ZNF503: variants seen among roughly 807,000 people sequenced by gnomAD.
ZNF503 encodes the protein NocA-like zinc finger 2.
Under a neutral mutation model 34.4 loss-of-function variants are expected in ZNF503, and 15 were observed. The observed-to-expected ratio is 0.44, with a 90% confidence interval of 0.29 to 0.67. The LOEUF (loss-of-function observed/expected upper bound fraction) is 0.67. Ranked by LOEUF, ZNF503 falls within the 30% of genes least tolerant of loss-of-function variation. ZNF503 has a pLI of 0.13. For synonymous variants in ZNF503, 580 were observed against 456.8 expected, an observed-to-expected ratio of 1.27 and a Z score of -3.44; for missense variants, 1,007 against 926.8, an observed-to-expected ratio of 1.09 and a Z score of -1.12.
the ZNF503 span, among the ~76,000 whole-genome samples, chr10:75,343,857 T>C: frequency 6.6e-6 from 1 of 152,174 alleles, no homozygotes; most frequent in Non-Finnish European, 1.5e-5. Context: ...CCCACCCCTG[T>C]TACATGATGC....
At chr10:75,382,277 A>T in the ZNF503 span, 1 of 239,590 alleles carries the variant, frequency 4.2e-6, no homozygotes, top group Non-Finnish European at 8.4e-6. Flanking sequence ...CAACAGCAAC[A>T]AATGTTATTT....
chr10:75,355,728 A>T, the ZNF503 span, among the ~76,000 whole-genome samples: 1 of 152,234 alleles, frequency 6.6e-6, no homozygotes, highest in Non-Finnish European at 1.5e-5. Flanking sequence ...GTTAGAAATT[A>T]CCCCAAATTT....
chr10:75,287,353 T>C, the ZNF503 span, among the ~76,000 whole-genome samples: 1 of 152,074 alleles, frequency 6.6e-6, no homozygotes, highest in East Asian at 1.9e-4. Context: ...GCACACTATG[T>C]TCTCTCCCAT....
chr10:75,353,757 T>C, the ZNF503 span, among the ~76,000 whole-genome samples: 1 of 152,178 alleles, frequency 6.6e-6, no homozygotes, highest in South Asian at 2.1e-4. Context: ...CATGAGCAAA[T>C]GGGAGATCAC....
At chr10:75,378,829 G>A in the ZNF503 span, among the ~76,000 whole-genome samples, 1 of 151,976 alleles carries the variant, frequency 6.6e-6, no homozygotes, top group East Asian at 1.9e-4. Flanking sequence ...AAGAGGGAAG[G>A]CCCCACAAGC....
chr10:75,362,191 C>T, the ZNF503 span, among the ~76,000 whole-genome samples: 72 of 152,140 alleles, frequency 4.7e-4, no homozygotes, highest in Non-Finnish European at 9.0e-4. Flanking sequence ...CACCTTAATG[C>T]GGCCATATTT....
At chr10:75,291,753 G>A in the ZNF503 span, among the ~76,000 whole-genome samples, 1 of 152,190 alleles carries the variant, frequency 6.6e-6, no homozygotes, top group African/African-American at 2.4e-5. Context: ...CATCACACCA[G>A]GACTAGGATA....
chr10:75,340,307 A>G, the ZNF503 span, among the ~76,000 whole-genome samples: 1 of 152,208 alleles, frequency 6.6e-6, no homozygotes, highest in Non-Finnish European at 1.5e-5. Flanking sequence ...TTTCAACTCT[A>G]CTGGTGGGAG....
chr10:75,330,746 GGTTT>G, the ZNF503 span, among the ~76,000 whole-genome samples: 2 of 150,358 alleles, frequency 1.3e-5, no homozygotes, highest in African/African-American at 4.9e-5. Context: ...TTTTTTTCTT[GGTTT>G]GTTTAGCTAA....
downstream of ZNF503, among the ~76,000 whole-genome samples, chr10:75,394,132 C>T (rs1843672194): frequency 2.0e-5 from 3 of 152,226 alleles, no homozygotes; most frequent in South Asian, 6.2e-4. Flanking sequence ...CCTCAGTCTC[C>T]TCATCTGAAA....
rs1267344018 is a variant in ZNF503, at chr10:75,399,738, T to TGGAGCC, written c.946_951dup (p.Gly316_Ser317dup). On this transcript the variant is annotated inframe_insertion, in exon 2 of 2. Coordinates refer to ENST00000372524, the MANE Select transcript of ZNF503 (RefSeq NM_032772.6). ...GGCGCGCTGGGGCCGGAGCCGGAGC[T>TGGAGCC]GGAGCCCGATGAACCGCCGCAGTCC... is the stretch of plus-strand genomic sequence containing the variant. 2 of 1,594,206 alleles carry TGGAGCC rather than the reference T, an allele frequency of 1.3e-6. No homozygotes were observed. The highest frequency in any genetic ancestry group is 1.7e-6 in the Non-Finnish European group (2 of 1,175,264).
In ZNF503 at chr10:75,399,031, C is replaced by G. The variant is rs148870556; in HGVS notation, c.1659G>C (p.Ser553=). 3.1e-6 allele frequency: 5 copies of G among 1,611,468 alleles called. No individual in the cohort carries two copies. The African/African-American group carries it at 6.7e-5, about 21-fold the overall frequency. The change falls in exon 2 of 2, where the codon TCG becomes TCC. Residue 553 remains serine (S), a synonymous_variant. Coordinates refer to ENST00000372524, the MANE Select transcript of ZNF503 (RefSeq NM_032772.6). ...TAFPGTDKLL[S]GYPSSSSLAS... ...CCAGAGACGACGAGCTGGGGTAGCC[C>G]GACAGCAGTTTGTCTGTCCCGGGAA...
Position 75,398,646 on chromosome 10 carries a change from C to T in ZNF503, c.*103G>A, listed in dbSNP as rs1303164032. The T allele has an allele frequency of 7.2e-6, 8 of 1,105,516 alleles. No homozygotes were observed. Among genetic ancestry groups the T allele is most frequent in the African/African-American group, 4.9e-5 (3 of 61,136 alleles). The allele number at this position is 1,105,516 out of a possible 1,614,324, so 68.5% of individuals were successfully genotyped here. A position where few individuals can be genotyped will look rare whatever the true frequency, so the allele number is the denominator to read the frequency against. On this transcript the variant is annotated 3_prime_UTR_variant, in exon 2 of 2. Coordinates refer to ENST00000372524, the MANE Select transcript of ZNF503 (RefSeq NM_032772.6). Reference sequence around the variant, plus strand: ...TCTTTCCTTTCGTGGCCCGAGTCCTCCCCACGCGCGGGTGTCAGCAGCCTG... The same window carrying T: ...TCTTTCCTTTCGTGGCCCGAGTCCTTCCCACGCGCGGGTGTCAGCAGCCTG...
At chr10:75,290,076 C>T in the ZNF503 span, among the ~76,000 whole-genome samples, 120 of 152,278 alleles carry the variant, frequency 7.9e-4, 1 homozygote, top group Middle Eastern at 6.8e-3. Context: ...TTAGGTACCA[C>T]CTGGAAGTGG....
chr10:75,309,403 C>T, the ZNF503 span, among the ~76,000 whole-genome samples: 1 of 152,106 alleles, frequency 6.6e-6, no homozygotes, highest in Non-Finnish European at 1.5e-5. Flanking sequence ...ATGCAGCAAA[C>T]TTCATTATTA....
intron 1 of ZNF503, 93 bp from the exon 2 acceptor site, chr10:75,400,467 G>A (rs953819382): frequency 1.6e-5 from 23 of 1,457,086 alleles, no homozygotes; most frequent in Non-Finnish European, 1.9e-5. Flanking sequence ...ATGCCTCTCC[G>A]CAACAGCCCA....
Position 75,399,603 on chromosome 10 carries a change from G to C in ZNF503, c.1087C>G (p.Leu363Val), listed in dbSNP as rs765756092. ...PPAGMTYPGS[L>V]AGAYAGYPPQ... is the part of the protein sequence containing the mutation. Reference sequence around the variant, plus strand: ...GGGTAGCCGGCGTAGGCCCCGGCCAGGCTGCCTGGGTAGGTCATACCCGCG... The same window carrying C: ...GGGTAGCCGGCGTAGGCCCCGGCCACGCTGCCTGGGTAGGTCATACCCGCG... The change falls in exon 2 of 2, where the codon CTG becomes GTG. Residue 363 changes from leucine (L) to valine (V), a missense_variant. Transcript: ENST00000372524. 3 of 1,597,938 alleles carry C rather than the reference G, an allele frequency of 1.9e-6. No homozygotes were observed. The highest frequency in any genetic ancestry group is 1.3e-5 in the African/African-American group (1 of 75,036).
chr10:75,285,055 A>G, the ZNF503 span, among the ~76,000 whole-genome samples: 2 of 152,186 alleles, frequency 1.3e-5, no homozygotes, highest in East Asian at 1.9e-4. Flanking sequence ...TTTGTTTTCC[A>G]TCTCCACTTA....
At chr10:75,326,059 T>C in the ZNF503 span, among the ~76,000 whole-genome samples, 12 of 152,306 alleles carry the variant, frequency 7.9e-5, no homozygotes, top group South Asian at 1.4e-3. Context: ...GCAAAAGCGA[T>C]TGTAGTTTTT....
Sources: allele counts gnomAD v4.1 joint callset (sites outside exome capture counted in the v4.1 genomes callset), GRCh38; gene constraint gnomAD v4.1.1; transcripts MANE v1.5; gene names NCBI Gene and HGNC (gene_info 2026-07-23, HGNC 2026-07-21).